Variants in IQCE observed in about 807,000 individuals in gnomAD.
The protein encoded by IQCE is IQ motif containing E.
Under a neutral mutation model 96.0 loss-of-function variants are expected in IQCE, and 115 were observed. That is an observed-to-expected ratio of 1.20 (90% CI 1.03 to 1.40). The LOEUF is 1.40. Among genes scored for constraint, IQCE ranks in the 40% most tolerant of loss-of-function variants. The probability of loss-of-function intolerance (pLI) is 0.00; values close to 1 mark genes in which losing one functional copy is unlikely to be tolerated. For missense variants in IQCE, 1,041 were observed against 909.1 expected (o/e 1.15, Z -1.87); for synonymous variants, 412 against 371.2 (o/e 1.11, Z -1.26).
intron 16 of IQCE, chr7:2,597,003 C>A (rs1159308232): frequency 2.1e-6 from 1 of 471,360 alleles, no homozygotes; most frequent in South Asian, 1.5e-5. Flanking sequence ...AGGAAGATTA[C>A]ACTCCCAGGT....
intron 1 of IQCE, among the ~76,000 whole-genome samples, 196 bp from the exon 2 acceptor site, chr7:2,566,920 C>G (rs1017063691): frequency 2.6e-5 from 4 of 152,214 alleles, no homozygotes; most frequent in African/African-American, 7.2e-5. Context: ...TTTTGTTCCC[C>G]CCACCCACCC....
intron 1 of IQCE, among the ~76,000 whole-genome samples, chr7:2,560,255 A>AGT (rs1415406812): frequency 6.6e-6 from 1 of 152,260 alleles, no homozygotes; most frequent in African/African-American, 2.4e-5. Flanking sequence ...TCTCAAAAAA[A>AGT]AAGAAAGCCC....
intron 9 of IQCE, 107 bp from the exon 10 acceptor site, chr7:2,583,530 C>G (rs1215048550): frequency 1.3e-5 from 9 of 687,494 alleles, no homozygotes; most frequent in Admixed American, 5.1e-5. Context: ...CATCCTGGGT[C>G]TTTTCCAAAG....
At chr7:2,583,606 A>C (rs773067981) in intron 9 of IQCE, 31 bp from the exon 10 acceptor site, 10 of 1,550,956 alleles carry the variant, frequency 6.4e-6, no homozygotes. Flanking sequence ...ACGCTGGCAC[A>C]TCCCTATTAA....
At chr7:2,568,830 C>T in intron 2 of IQCE, 124 bp from the exon 3 acceptor site, 2 of 839,438 alleles carry the variant, frequency 2.4e-6, no homozygotes, top group Middle Eastern at 2.7e-4. Context: ...TCCTTACGTC[C>T]CCGTAAGCTC....
At chr7:2,574,081 G>T (rs1369145257) in intron 6 of IQCE, among the ~76,000 whole-genome samples, 1 of 152,200 alleles carries the variant, frequency 6.6e-6, no homozygotes, top group Non-Finnish European at 1.5e-5. Context: ...AGCATGAACT[G>T]CATTGAGCTG....
chr7:2,568,772 A>G (rs1485153831), intron 2 of IQCE, among the ~76,000 whole-genome samples, 182 bp from the exon 3 acceptor site: 1 of 152,074 alleles, frequency 6.6e-6, no homozygotes, highest in African/African-American at 2.4e-5. Flanking sequence ...ACGTGAGTGC[A>G]TTTTTGTGGG....
intron 6 of IQCE, among the ~76,000 whole-genome samples, chr7:2,574,503 A>C (rs1450850252): frequency 1.3e-5 from 2 of 152,218 alleles, no homozygotes; most frequent in Admixed American, 6.5e-5. Context: ...GCAAGTGCGC[A>C]CCCTGGCCAT....
rs534401082 is a variant in IQCE at position 2,566,286 on chromosome 7, A to T, written c.37-830A>T. Reference sequence around the variant, plus strand: ...TACAGAAACACTTTTGTCTTCAAAAAGCTTCCTTTTTTTTTTTTTTTGGCC... The same window carrying T: ...TACAGAAACACTTTTGTCTTCAAAATGCTTCCTTTTTTTTTTTTTTTGGCC... On this transcript the variant is annotated intron_variant, in intron 1 of 21. Coordinates refer to ENST00000402050, the MANE Select transcript of IQCE (RefSeq NM_152558.5). Among the ~76,000 whole-genome samples the T allele has an allele frequency of 1.1e-4, 16 of 145,574 alleles. No homozygotes were observed. The East Asian group carries it at 1.8e-3, about 17-fold the overall frequency.
intron 5 of IQCE, chr7:2,572,887 G>C (rs557449644): frequency 2.7e-6 from 1 of 373,150 alleles, no homozygotes; most frequent in African/African-American, 2.1e-5. Flanking sequence ...CCTTAAGGAA[G>C]AACAGCCTCC....
At chr7:2,605,161 C>A (rs1019815031) in intron 19 of IQCE, among the ~76,000 whole-genome samples, 170 bp downstream of exon 19, 1 of 152,236 alleles carries the variant, frequency 6.6e-6, no homozygotes, top group African/African-American at 2.4e-5. Flanking sequence ...CTTCTCTGCG[C>A]AGGCCCCTCT....
chr7:2,580,945 T>C (rs920578889), intron 8 of IQCE, among the ~76,000 whole-genome samples: 2 of 152,128 alleles, frequency 1.3e-5, no homozygotes, highest in East Asian at 3.9e-4. Flanking sequence ...AGACGGAGTC[T>C]GCTCCAGCTA....
At chr7:2,562,645 T>C (rs943474097) in intron 1 of IQCE, among the ~76,000 whole-genome samples, 62 of 152,006 alleles carry the variant, frequency 4.1e-4, no homozygotes, top group Non-Finnish European at 7.8e-4. Flanking sequence ...CTGGGTTTTT[T>C]TTCTTGGCTA....
chr7:2,596,399 A>T (rs947512477), intron 16 of IQCE, among the ~76,000 whole-genome samples: 39 of 138,480 alleles, frequency 2.8e-4, no homozygotes, highest in African/African-American at 4.2e-4. Flanking sequence ...GGTTATAAGC[A>T]TTTTTTTTTT....
intron 18 of IQCE, 113 bp from the exon 19 acceptor site, chr7:2,604,768 G>A: frequency 1.4e-6 from 1 of 701,694 alleles, no homozygotes; most frequent in Non-Finnish European, 2.5e-6. Context: ...CAGCAGTGAA[G>A]GGAGTCACGT....
intron 15 of IQCE, among the ~76,000 whole-genome samples, chr7:2,594,167 G>A (rs1157879898): frequency 1.3e-5 from 2 of 152,216 alleles, no homozygotes; most frequent in African/African-American, 4.8e-5. Flanking sequence ...GGCTGAGGCA[G>A]GAGAATAGCT....
Position 2,594,926 on chromosome 7 carries a change from C to T in IQCE, c.1390C>T (p.Gln464Ter). The change falls in exon 16 of 22, where the codon CAA becomes TAA. Residue 464 changes from glutamine to a stop codon, truncating the protein, a stop_gained. Coordinates refer to ENST00000402050, the MANE Select transcript of IQCE (RefSeq NM_152558.5). LOFTEE classifies it high-confidence loss of function. Reference protein sequence around the residue: ...QTLTSKLQELQEMKKEEKEDC... With the variant: ...QTLTSKLQEL ...ACTTACCAGCAAGCTCCAAGAATTG[C>T]AAGAAATGAAGAAAGAAGAGAAAGA... 6.2e-7 allele frequency: 1 copy of T among 1,613,978 alleles called. No individual in the cohort carries two copies. The highest frequency in any genetic ancestry group is 2.2e-5 in the East Asian group (1 of 44,882).
At chr7:2,601,406 A>G in intron 17 of IQCE, 35 bp from the exon 18 acceptor site, 1 of 1,377,960 alleles carries the variant, frequency 7.3e-7, no homozygotes, top group Non-Finnish European at 1.0e-6. Flanking sequence ...TCTCGTGTTA[A>G]TTCATGTATT....
intron 1 of IQCE, among the ~76,000 whole-genome samples, chr7:2,559,876 C>A (rs939583338): frequency 6.6e-6 from 1 of 151,372 alleles, no homozygotes; most frequent in Non-Finnish European, 1.5e-5. Flanking sequence ...GGCCGGGAGC[C>A]GTGGCTCAGG....
Sources: allele counts gnomAD v4.1 joint callset (sites outside exome capture counted in the v4.1 genomes callset), GRCh38; gene constraint gnomAD v4.1.1; transcripts MANE v1.5; gene names NCBI Gene and HGNC (gene_info 2026-07-23, HGNC 2026-07-21).